The following N4BP2L2 variants were observed in gnomAD, a reference collection of about 807,000 sequenced individuals.
N4BP2L2 encodes NEDD4 binding protein 2 like 2.
N4BP2L2 carries 50 observed loss-of-function variants against 56.2 expected under a neutral mutation model. The observed-to-expected ratio is 0.89, with a 90% CI of 0.71 to 1.13. The LOEUF is 1.13. Among genes scored for constraint, N4BP2L2 ranks in the 50% most tolerant of loss-of-function variants. N4BP2L2 has a pLI of 0.00. For synonymous variants in N4BP2L2, 203 were observed against 223.6 expected (o/e 0.91, Z 0.82); for missense variants, 689 against 693.8 (o/e 0.99, Z 0.08).
intron 3 of N4BP2L2, chr13:32,522,611 CTAAG>C (rs938321157): frequency 2.5e-5 from 4 of 160,390 alleles, no homozygotes; most frequent in African/African-American, 7.2e-5. Flanking sequence ...TGAATATAGA[CTAAG>C]TAAGAGAAGA....
At chr13:32,492,922 T>TG (rs1223875075) in intron 6 of N4BP2L2, among the ~76,000 whole-genome samples, 4 of 144,072 alleles carry the variant, frequency 2.8e-5, no homozygotes, top group Middle Eastern at 3.5e-3. Context: ...TTCTGTTTTT[T>TG]TTTTTTTTTT....
chr13:32,529,273 C>T (rs1427928666), intron 2 of N4BP2L2, among the ~76,000 whole-genome samples: 1 of 152,094 alleles, frequency 6.6e-6, no homozygotes, highest in Non-Finnish European at 1.5e-5. Flanking sequence ...CAGTTTTTGC[C>T]ATTAAAATGC....
intron 4 of N4BP2L2, chr13:32,521,697 T>TG: frequency 2.8e-6 from 1 of 363,444 alleles, no homozygotes; most frequent in Non-Finnish European, 4.9e-6. Context: ...AATATGAGGC[T>TG]GGGCGTGGTG....
chr13:32,538,543 ACAGTC>A (rs2057215314), intron 1 of N4BP2L2, 70 bp downstream of exon 1: 2 of 831,684 alleles, frequency 2.4e-6, no homozygotes, highest in African/African-American at 1.9e-5. Context: ...GCTAATCTAA[ACAGTC>A]CAGTCAAGAA....
exon 7 of N4BP2L2, chr13:32,442,564 T>C (rs1359127257): frequency 6.2e-6 from 10 of 1,613,748 alleles, no homozygotes; most frequent in African/African-American, 2.7e-5. Context: ...ATTTAAAAAG[T>C]GAAAATCAGA....
chr13:32,503,720 G>A (rs1167098872), intron 6 of N4BP2L2, among the ~76,000 whole-genome samples: 2 of 152,102 alleles, frequency 1.3e-5, no homozygotes, highest in Admixed American at 6.5e-5. Flanking sequence ...TTAATAGATC[G>A]TAAGCTACAA....
chr13:32,472,256 T>G (rs1388328975), intron 6 of N4BP2L2, among the ~76,000 whole-genome samples: 2 of 152,174 alleles, frequency 1.3e-5, no homozygotes, highest in African/African-American at 4.8e-5. Context: ...AACCTAAAAC[T>G]GTCCTAAAAA....
At chr13:32,462,810 G>A (rs965165534) in intron 6 of N4BP2L2, among the ~76,000 whole-genome samples, 1 of 130,934 alleles carries the variant, frequency 7.6e-6, no homozygotes. Flanking sequence ...CGGATCAAAA[G>A]GTCAGGAGAT....
chr13:32,521,602 A>G (rs576832669), intron 4 of N4BP2L2, 153 bp from the exon 5 acceptor site: 6 of 543,028 alleles, frequency 1.1e-5, no homozygotes, highest in Admixed American at 7.4e-5. Context: ...ATAACAGTTA[A>G]GACTATTTAA....
At chr13:32,495,655 G>A (rs545110119) in intron 6 of N4BP2L2, among the ~76,000 whole-genome samples, 3 of 152,172 alleles carry the variant, frequency 2.0e-5, no homozygotes, top group African/African-American at 7.2e-5. Context: ...AGACACCAGT[G>A]GCAGTGGCAC....
rs529400928 is a variant in N4BP2L2, at chr13:32,455,103, A to C, written c.366-10977T>G. Among the ~76,000 whole-genome samples, 48 of 152,328 alleles carry C rather than the reference A, an allele frequency of 3.2e-4. No individual in the cohort carries two copies. The South Asian group carries it at 9.7e-3, about 31-fold the overall frequency. On this transcript the variant is annotated intron_variant, in intron 6 of 9. Coordinates refer to the N4BP2L2 transcript ENST00000357505. Reference sequence around the variant, plus strand: ...CACTGTCCTACAACTCCTAAGCAAAAGCAGCATGACACTATTTTGAGAGCC... The same window carrying C: ...CACTGTCCTACAACTCCTAAGCAAACGCAGCATGACACTATTTTGAGAGCC...
At chr13:32,511,128 A>G (rs1344516650) in exon 6 of N4BP2L2, 1 of 152,174 alleles carries the variant, frequency 6.6e-6, no homozygotes, top group Non-Finnish European at 1.5e-5. Context: ...CCTCTTTCTA[A>G]AGCCATTGTA....
At chr13:32,470,826 C>G (rs549672077) in intron 6 of N4BP2L2, among the ~76,000 whole-genome samples, 1 of 152,302 alleles carries the variant, frequency 6.6e-6, no homozygotes, top group South Asian at 2.1e-4. Flanking sequence ...ACCTGTAGTC[C>G]TCATGCAAGA....
At chr13:32,447,359 C>T (rs1461812260) in intron 6 of N4BP2L2, among the ~76,000 whole-genome samples, 1 of 151,678 alleles carries the variant, frequency 6.6e-6, no homozygotes, top group African/African-American at 2.4e-5. Context: ...AGATGGCCCA[C>T]AGCTGAGATC....
intron 6 of N4BP2L2, chr13:32,478,161 G>T: frequency 1.2e-6 from 1 of 805,040 alleles, no homozygotes; most frequent in Non-Finnish European, 1.7e-6. Context: ...TCTCAACGAA[G>T]AACTTGGGCA....
intron 6 of N4BP2L2, among the ~76,000 whole-genome samples, chr13:32,481,632 G>C (rs922099955): frequency 6.6e-6 from 1 of 152,092 alleles, no homozygotes; most frequent in African/African-American, 2.4e-5. Flanking sequence ...TATTTCATTG[G>C]GTTTTGAAAG....
chr13:32,456,530 G>A (rs1211074840), intron 6 of N4BP2L2, among the ~76,000 whole-genome samples: 1 of 152,054 alleles, frequency 6.6e-6, no homozygotes, highest in Non-Finnish European at 1.5e-5. Context: ...AGATTCCAGT[G>A]GAAAATAATT....
At chr13:32,536,027 T>C in exon 2 of N4BP2L2, 1 of 1,614,026 alleles carries the variant, frequency 6.2e-7, no homozygotes, top group Non-Finnish European at 8.5e-7. Context: ...ATATTCATTG[T>C]TCTGATCAAA....
At chr13:32,480,515 T>G (rs2084412785) in intron 6 of N4BP2L2, 1 of 869,370 alleles carries the variant, frequency 1.2e-6, no homozygotes, top group Admixed American at 2.9e-5. Context: ...TAAAGAGACT[T>G]TTTTCTACAT....
Sources: gnomAD v4.1 joint callset for allele counts (sites outside exome capture counted in the v4.1 genomes callset) on GRCh38, gnomAD v4.1.1 for gene constraint, MANE v1.5 for transcripts, NCBI Gene and HGNC (gene_info 2026-07-23, HGNC 2026-07-21) for gene names.